The following STXBP5L variants were observed in gnomAD, a reference collection of about 807,000 sequenced individuals.
STXBP5L encodes the protein syntaxin binding protein 5L.
In STXBP5L, 65 loss-of-function variants were observed where a neutral mutation model predicts 144.5. That is an observed-to-expected ratio of 0.45 (90% confidence interval 0.37 to 0.55). The LOEUF is 0.55. STXBP5L is among the 20% of genes least tolerant of loss of function. STXBP5L has a pLI of 0.00. For missense variants in STXBP5L, 1,298 were observed against 1,405.5 expected (o/e 0.92, Z 1.22); for synonymous variants, 505 against 469.6 (o/e 1.08, Z -0.97).
At chr3:121,374,411 CA>C (rs2046122409) in intron 20 of STXBP5L, among the ~76,000 whole-genome samples, 2 of 151,762 alleles carry the variant, frequency 1.3e-5, no homozygotes, top group South Asian at 4.1e-4. Context: ...ATCAAGAAAA[CA>C]TGATACCTCC....
At chr3:121,152,735 T>G (rs554750719) in intron 8 of STXBP5L, among the ~76,000 whole-genome samples, 175 bp downstream of exon 8, 11 of 152,160 alleles carry the variant, frequency 7.2e-5, no homozygotes, top group Non-Finnish European at 1.6e-4. Flanking sequence ...ATTTTTCTTT[T>G]AAGAGGAAAT....
At chr3:121,046,920 T>C (rs1947557375) in intron 5 of STXBP5L, among the ~76,000 whole-genome samples, 1 of 152,140 alleles carries the variant, frequency 6.6e-6, no homozygotes, top group Non-Finnish European at 1.5e-5. Flanking sequence ...TTGTATTGTT[T>C]CTCTAGTTCC....
In STXBP5L at chr3:121,205,998, A is replaced by C. The variant is rs779982844; in HGVS notation, c.953A>C (p.Asn318Thr). The C allele has an allele frequency of 6.7e-7, 1 of 1,498,418 alleles. No individual in the cohort carries two copies. The highest frequency in any genetic ancestry group is 1.4e-5 in the South Asian group (1 of 69,548). The allele number at this position is 1,498,418 out of a possible 1,614,324, so 92.8% of individuals were successfully genotyped here. The stretch of plus-strand genomic sequence containing the variant: ...AAAGTAGAATACAAGACCTGCAAAA[A>C]CAGGTATGCATTTTTACTTTAGGGA... Reference protein sequence around the residue: ...ILKVEYKTCKNSEPFIIFSGG... With the variant: ...ILKVEYKTCKTSEPFIIFSGG... Residue 318 changes from asparagine (N) to threonine (T), a missense_variant, in exon 10 of 27, where the codon AAC (asparagine) becomes ACC (threonine). Asn to Thr is a moderately conservative substitution (Grantham distance 65). Coordinates refer to ENST00000471454, the MANE Select transcript of STXBP5L (RefSeq NM_001308330.2).
intron 20 of STXBP5L, among the ~76,000 whole-genome samples, chr3:121,345,007 GA>G (rs1013010369): frequency 9.9e-5 from 15 of 151,306 alleles, no homozygotes; most frequent in African/African-American, 2.9e-4. Context: ...AGTAAGTACA[GA>G]AAGCATATTT....
chr3:120,996,727 G>A (rs1943379079), intron 3 of STXBP5L, among the ~76,000 whole-genome samples: 1 of 152,026 alleles, frequency 6.6e-6, no homozygotes, highest in African/African-American at 2.4e-5. Context: ...TCTGTGTCTG[G>A]AGTTTTTCAC....
intron 12 of STXBP5L, among the ~76,000 whole-genome samples, chr3:121,234,719 T>C (rs917099580): frequency 2.6e-5 from 4 of 152,118 alleles, no homozygotes; most frequent in Non-Finnish European, 4.4e-5. Flanking sequence ...TGGAAAGGGA[T>C]GTAGGATTTG....
At chr3:121,365,682 C>A (rs900407232) in intron 20 of STXBP5L, among the ~76,000 whole-genome samples, 2 of 151,574 alleles carry the variant, frequency 1.3e-5, no homozygotes, top group Non-Finnish European at 3.0e-5. Context: ...TTACATGTAA[C>A]TAAAGTTTTA....
intron 18 of STXBP5L, among the ~76,000 whole-genome samples, chr3:121,268,376 A>AG (rs1299215336): frequency 6.6e-6 from 1 of 152,038 alleles, no homozygotes; most frequent in Non-Finnish European, 1.5e-5. Context: ...GGACACAGGG[A>AG]GGGGAACATC....
intron 9 of STXBP5L, among the ~76,000 whole-genome samples, chr3:121,169,530 A>G (rs966621900): frequency 6.6e-6 from 1 of 152,168 alleles, no homozygotes; most frequent in Non-Finnish European, 1.5e-5. Flanking sequence ...AAAAAAGAAA[A>G]AGCAAGAGTT....
At chr3:120,941,199 T>A (rs1449653813) in intron 2 of STXBP5L, among the ~76,000 whole-genome samples, 1 of 151,722 alleles carries the variant, frequency 6.6e-6, no homozygotes, top group Non-Finnish European at 1.5e-5. Context: ...TTTGAATGCT[T>A]ATAAGGCTCT....
At chr3:121,340,265 A>C (rs1055694723) in intron 20 of STXBP5L, among the ~76,000 whole-genome samples, 1 of 152,118 alleles carries the variant, frequency 6.6e-6, no homozygotes, top group Admixed American at 6.6e-5. Flanking sequence ...TTACAACCAA[A>C]TGATCTTTGA....
rs185724724 is a variant in STXBP5L, at chr3:121,360,696, G to A, written c.2177-18020G>A. 2.8e-3 allele frequency among the ~76,000 whole-genome samples: 432 copies of A among 152,074 alleles called. 1 individual carries two copies. The highest frequency in any genetic ancestry group is 0.01 in the African/African-American group (422 of 41,532). On this transcript the variant is annotated intron_variant, in intron 20 of 26. Transcript: ENST00000471454. Reference sequence around the variant, plus strand: ...ACTAATAAAAACTCACCTTAAGTTTGTCCTCCTGCTTTTTAACTTTTTGTT... The same window carrying A: ...ACTAATAAAAACTCACCTTAAGTTTATCCTCCTGCTTTTTAACTTTTTGTT...
At chr3:121,301,491 A>G (rs2051904741) in intron 19 of STXBP5L, among the ~76,000 whole-genome samples, 1 of 152,146 alleles carries the variant, frequency 6.6e-6, no homozygotes, top group Non-Finnish European at 1.5e-5. Flanking sequence ...TCGTCTGCAA[A>G]CAGGGGCAAT....
rs144174371 is a variant in STXBP5L, at chr3:121,096,724, C to T, written c.471-18201C>T. ...CTGTTTTTTCCTCTGGAATCTTTGT[C>T]CCAGAGGGGAACCTACCAGTTGCCA... On this transcript the variant is annotated intron_variant, in intron 5 of 26. Coordinates refer to ENST00000471454, the MANE Select transcript of STXBP5L (RefSeq NM_001308330.2). Among the ~76,000 whole-genome samples, 294 of 152,208 alleles carry T rather than the reference C, an allele frequency of 1.9e-3. 2 individuals are homozygous for T. Among genetic ancestry groups the T allele is most frequent in the Middle Eastern group, 6.8e-3 (2 of 294 alleles).
At chr3:121,098,918 A>G (rs2043274022) in intron 5 of STXBP5L, among the ~76,000 whole-genome samples, 3 of 152,232 alleles carry the variant, frequency 2.0e-5, no homozygotes, top group South Asian at 4.1e-4. Context: ...CAGGCACATT[A>G]TCATGGTCCC....
chr3:121,222,486 C>T (rs1222220013), intron 10 of STXBP5L, among the ~76,000 whole-genome samples: 2 of 152,064 alleles, frequency 1.3e-5, no homozygotes, highest in Non-Finnish European at 2.9e-5. Flanking sequence ...TATCTTTACT[C>T]TTTTTTCACA....
chr3:120,945,177 T>C (rs1559894764), intron 2 of STXBP5L, among the ~76,000 whole-genome samples: 1 of 151,794 alleles, frequency 6.6e-6, no homozygotes, highest in Non-Finnish European at 1.5e-5. Flanking sequence ...AGATCTGGAA[T>C]GATATGCCCC....
rs1937685554 is a variant in STXBP5L, at chr3:120,953,574, G to C, written c.190-1366G>C. ...GTTGGTTTTGAACTCCTGAACTCAA[G>C]CAATCCTCCTGCTTTGGCCTCCCAA... On this transcript the variant is annotated intron_variant, in intron 2 of 26. Transcript: ENST00000471454. Among the ~76,000 whole-genome samples, 2 of 148,910 alleles carry C rather than the reference G, an allele frequency of 1.3e-5. 1 individual carries two copies. The highest frequency in any genetic ancestry group is 1.4e-4 in the Admixed American group (2 of 14,716).
intron 2 of STXBP5L, among the ~76,000 whole-genome samples, chr3:120,938,195 T>C (rs937927433): frequency 6.6e-6 from 1 of 152,130 alleles, no homozygotes; most frequent in African/African-American, 2.4e-5. Context: ...AAAATGGGAT[T>C]GATACATTCT....
Sources: gnomAD v4.1 joint callset for allele counts (sites outside exome capture counted in the v4.1 genomes callset) on GRCh38, gnomAD v4.1.1 for gene constraint, MANE v1.5 for transcripts, NCBI Gene and HGNC (gene_info 2026-07-23, HGNC 2026-07-21) for gene names.